FOXN3: variants seen among roughly 807,000 people sequenced by gnomAD.
The protein encoded by FOXN3 is forkhead box protein N3.
FOXN3 carries 7 observed loss-of-function variants against 38.4 expected under a neutral mutation model. That is an observed-to-expected ratio of 0.18 (90% CI 0.10 to 0.34). FOXN3 has a LOEUF of 0.34. Among genes scored for constraint, FOXN3 ranks in the 10% least tolerant of loss-of-function variants. FOXN3 has a pLI of 1.00. For missense variants in FOXN3, 456 were observed against 613.4 expected, an observed-to-expected ratio of 0.74 and a Z score of 2.71; for synonymous variants, 230 against 242.2, an observed-to-expected ratio of 0.95 and a Z score of 0.47.
intron 1 of FOXN3, among the ~76,000 whole-genome samples, chr14:89,608,592 T>A (rs996801718): frequency 2.6e-5 from 4 of 152,230 alleles, no homozygotes; most frequent in African/African-American, 9.6e-5. Flanking sequence ...ACTGCTAGTA[T>A]AGCTAAACAA....
chr14:89,600,057 C>G (rs1326591604), intron 1 of FOXN3, among the ~76,000 whole-genome samples: 1 of 152,218 alleles, frequency 6.6e-6, no homozygotes, highest in Non-Finnish European at 1.5e-5. Flanking sequence ...CCCCATTGCC[C>G]TGATGGCTCT....
chr14:89,577,402 T>C (rs1284873200), intron 1 of FOXN3: 1 of 152,150 alleles, frequency 6.6e-6, no homozygotes, highest in Non-Finnish European at 1.5e-5. Context: ...CTCCGTCTTC[T>C]GGAAAACCCC....
intron 1 of FOXN3, among the ~76,000 whole-genome samples, chr14:89,556,836 G>A (rs1236978209): frequency 6.6e-6 from 1 of 152,204 alleles, no homozygotes; most frequent in African/African-American, 2.4e-5. Context: ...GTGCCCTGCT[G>A]ATTTGGGAAA....
chr14:89,178,569 A>G (rs969280679), intron 5 of FOXN3, among the ~76,000 whole-genome samples: 1 of 152,214 alleles, frequency 6.6e-6, no homozygotes, highest in African/African-American at 2.4e-5. Flanking sequence ...CTCTGGAAGG[A>G]GCCCAGCTGA....
chr14:89,291,012 T>A (rs1444326979), intron 3 of FOXN3: 1 of 452,992 alleles, frequency 2.2e-6, no homozygotes, highest in Non-Finnish European at 4.4e-6. Context: ...CGTGGTGTGG[T>A]GCTCCTTGAC....
chr14:89,221,953 G>A (rs1254570016), intron 4 of FOXN3, among the ~76,000 whole-genome samples: 1 of 152,006 alleles, frequency 6.6e-6, no homozygotes, highest in Non-Finnish European at 1.5e-5. Context: ...CTTCCAAGTA[G>A]CTGGGACTAC....
At chr14:89,203,435 A>G (rs1888285159) in intron 4 of FOXN3, among the ~76,000 whole-genome samples, 1 of 152,212 alleles carries the variant, frequency 6.6e-6, no homozygotes, top group African/African-American at 2.4e-5. Context: ...TCCCTCCCAC[A>G]TAGACCAGCA....
chr14:89,511,247 T>TTTTTCTTTCTTTTCTTTC (rs1566681259), intron 1 of FOXN3, among the ~76,000 whole-genome samples: 2 of 11,298 alleles, frequency 1.8e-4, no homozygotes, highest in African/African-American at 2.9e-4. Context: ...CTTTTCTTTC[T>TTTTTCTTTCTTTTCTTTC]TTTCTTTCTT....
At chr14:89,487,403 T>G (rs1206353409) in intron 1 of FOXN3, among the ~76,000 whole-genome samples, 3 of 152,218 alleles carry the variant, frequency 2.0e-5, no homozygotes, top group Non-Finnish European at 2.9e-5. Context: ...CTGTGGGTCT[T>G]GGAATAGCAG....
At chr14:89,555,261 T>C (rs576199317) in intron 1 of FOXN3, among the ~76,000 whole-genome samples, 37 of 152,274 alleles carry the variant, frequency 2.4e-4, no homozygotes, top group African/African-American at 8.9e-4. Flanking sequence ...TATCAAGAAA[T>C]GGAACTGCTT....
intron 4 of FOXN3, among the ~76,000 whole-genome samples, chr14:89,240,170 G>A (rs1310119380): frequency 6.6e-6 from 1 of 152,056 alleles, no homozygotes; most frequent in Non-Finnish European, 1.5e-5. Flanking sequence ...ATGGACACAC[G>A]ATGGGTCTCA....
intron 4 of FOXN3, among the ~76,000 whole-genome samples, chr14:89,271,526 T>C (rs1357902241): frequency 1.3e-5 from 2 of 152,218 alleles, no homozygotes; most frequent in Admixed American, 1.3e-4. Context: ...TGGTGTAAAA[T>C]TACTTGTATC....
chr14:89,371,919 G>A (rs1365703228), intron 2 of FOXN3, among the ~76,000 whole-genome samples: 1 of 151,926 alleles, frequency 6.6e-6, no homozygotes, highest in African/African-American at 2.4e-5. Flanking sequence ...AGGTCCCGGG[G>A]GGATGGAAGT....
chr14:89,511,203 T>TTTTCTTTCTTTCTTTCC (rs1894067260), intron 1 of FOXN3, among the ~76,000 whole-genome samples: 1 of 14,976 alleles, frequency 6.7e-5, no homozygotes, highest in African/African-American at 1.1e-4. Context: ...TCTTTCTTTC[T>TTTTCTTTCTTTCTTTCC]TTTCTTTCTT....
chr14:89,221,623 T>C (rs1276426669), intron 4 of FOXN3, among the ~76,000 whole-genome samples: 1 of 152,202 alleles, frequency 6.6e-6, no homozygotes, highest in Non-Finnish European at 1.5e-5. Flanking sequence ...CCTCACTGGA[T>C]CAAAGGCCTT....
intron 3 of FOXN3, among the ~76,000 whole-genome samples, chr14:89,313,549 G>A (rs2139962804): frequency 6.7e-6 from 1 of 148,824 alleles, no homozygotes; most frequent in East Asian, 2.0e-4. Context: ...AGAGCAAGAT[G>A]CTGTCTTAAA....
chr14:89,382,108 G>A (rs558173780), intron 2 of FOXN3, among the ~76,000 whole-genome samples: 3 of 151,848 alleles, frequency 2.0e-5, no homozygotes, highest in South Asian at 2.1e-4. Context: ...TATTCCCCTC[G>A]CCTCTAAGCA....
At chr14:89,594,185 T>C (rs1175479134) in intron 1 of FOXN3, among the ~76,000 whole-genome samples, 2 of 152,256 alleles carry the variant, frequency 1.3e-5, no homozygotes, top group Non-Finnish European at 2.9e-5. Context: ...ATCCATAATT[T>C]TGGGTACATA....
intron 1 of FOXN3, among the ~76,000 whole-genome samples, chr14:89,597,998 CTTTG>C (rs1250058805): frequency 6.6e-6 from 1 of 151,490 alleles, no homozygotes; most frequent in East Asian, 1.9e-4. Context: ...TATTTTTCAT[CTTTG>C]TTTGAATTTC....
Sources: gnomAD v4.1 joint callset for allele counts (sites outside exome capture counted in the v4.1 genomes callset) on GRCh38, gnomAD v4.1.1 for gene constraint, MANE v1.5 for transcripts, NCBI Gene and HGNC (gene_info 2026-07-23, HGNC 2026-07-21) for gene names.